Variants in NCOA3 observed in about 807,000 individuals in gnomAD.
The protein encoded by NCOA3 is CBP-interacting protein.
In NCOA3, 51 loss-of-function variants were observed where a neutral mutation model predicts 158.8. The observed-to-expected ratio is 0.32, with a 90% CI of 0.26 to 0.41. The LOEUF (loss-of-function observed/expected upper bound fraction) is 0.41, where lower values mean the gene tolerates loss of function less well. Among genes scored for constraint, NCOA3 ranks in the 10% least tolerant of loss-of-function variants. NCOA3 has a pLI of 1.00. For synonymous variants in NCOA3, 537 were observed against 592.4 expected (o/e 0.91, Z 1.36); for missense variants, 1,510 against 1,746.6 (o/e 0.86, Z 2.41).
At chr20:47,568,359 T>C (rs1024432790) in intron 1 of NCOA3, among the ~76,000 whole-genome samples, 6 of 152,226 alleles carry the variant, frequency 3.9e-5, no homozygotes, top group African/African-American at 1.2e-4. Context: ...CAGGCATACC[T>C]CAGACCATTG....
intron 2 of NCOA3, among the ~76,000 whole-genome samples, chr20:47,595,016 C>T (rs1269159644): frequency 1.3e-5 from 2 of 148,992 alleles, no homozygotes; most frequent in East Asian, 2.0e-4. Flanking sequence ...GGTCTCGATC[C>T]CCTGACCTCA....
At chr20:47,647,752 A>G (rs2086711912) in intron 18 of NCOA3, among the ~76,000 whole-genome samples, 1 of 152,134 alleles carries the variant, frequency 6.6e-6, no homozygotes, top group South Asian at 2.1e-4. Context: ...TTATAAAACT[A>G]GAGTTGTCTT....
intron 16 of NCOA3, among the ~76,000 whole-genome samples, chr20:47,642,012 A>G (rs1602532663): frequency 1.3e-5 from 2 of 152,140 alleles, no homozygotes; most frequent in South Asian, 2.1e-4. Context: ...ATGGTGGTCT[A>G]AAGTGGCCTG....
chr20:47,502,101 C>T (rs906955976), intron 1 of NCOA3, 82 bp downstream of exon 1: 2 of 398,634 alleles, frequency 5.0e-6, no homozygotes, highest in African/African-American at 2.1e-5. Context: ...GTTCCCCAGG[C>T]TGCGAGAGCC....
rs536878376 is a variant in NCOA3 at position 47,585,938 on chromosome 20, T to G, written c.-20+2677T>G. 7.9e-5 allele frequency among the ~76,000 whole-genome samples: 12 copies of G among 151,978 alleles called. No homozygotes were observed. The East Asian group carries it at 2.3e-3, about 29-fold the overall frequency. On this transcript the variant is annotated intron_variant, in intron 2 of 22. Transcript: ENST00000371998. ...ACTATCTCCACAGGTTTTTTTTTTT[T>G]TTTTTTGAGACAGAGTTTGTTACCC...
chr20:47,573,207 T>G (rs1340179290), intron 1 of NCOA3, among the ~76,000 whole-genome samples: 2 of 152,164 alleles, frequency 1.3e-5, no homozygotes, highest in Non-Finnish European at 2.9e-5. Flanking sequence ...AAGACCAGCC[T>G]GACCAACATG....
chr20:47,525,831 G>A (rs1278031092), intron 1 of NCOA3, among the ~76,000 whole-genome samples: 2 of 93,444 alleles, frequency 2.1e-5, no homozygotes, highest in African/African-American at 8.6e-5. Context: ...TTCCCAGTAG[G>A]GGCGGCCGGG....
intron 2 of NCOA3, among the ~76,000 whole-genome samples, chr20:47,618,582 G>A (rs545341133): frequency 4.6e-5 from 7 of 152,218 alleles, no homozygotes; most frequent in African/African-American, 1.7e-4. Flanking sequence ...TCGAACTCCC[G>A]ACCTCAGGTG....
intron 1 of NCOA3, among the ~76,000 whole-genome samples, chr20:47,533,758 C>T (rs2084588450): frequency 6.6e-6 from 1 of 152,054 alleles, no homozygotes; most frequent in African/African-American, 2.4e-5. Flanking sequence ...GATCCTATCT[C>T]TACAAAAAAT....
rs539195698 is a variant in NCOA3, at chr20:47,648,475, AATTT to A, written c.3547-518_3547-515del. ...ATTGTGTGTGTGTATATATATATAA[AATTT>A]ATTTATTTATTATTATTTTTTCTGA... On this transcript the variant is annotated intron_variant, in intron 18 of 22. Transcript: ENST00000371998. Among the ~76,000 whole-genome samples the A allele has an allele frequency of 4.0e-3, 612 of 151,764 alleles. 5 individuals are homozygous for A. Among genetic ancestry groups the A allele is most frequent in the African/African-American group, 0.014 (581 of 41,398 alleles).
chr20:47,566,958 AAAG>A (rs1314381844), intron 1 of NCOA3, among the ~76,000 whole-genome samples: 2 of 152,162 alleles, frequency 1.3e-5, no homozygotes, highest in South Asian at 2.1e-4. Context: ...CAAAAAAGAA[AAAG>A]AAGAAATTTA....
At chr20:47,511,757 T>C (rs969009663) in intron 1 of NCOA3, among the ~76,000 whole-genome samples, 2 of 151,462 alleles carry the variant, frequency 1.3e-5, no homozygotes, top group African/African-American at 4.9e-5. Context: ...TTTCACCTTG[T>C]TGGCCAGGCT....
chr20:47,530,283 C>G (rs12625998), intron 1 of NCOA3, among the ~76,000 whole-genome samples: 31,232 of 151,940 alleles, frequency 0.21, 3,699 homozygotes, highest in Middle Eastern at 0.3. Context: ...ATATAATCAT[C>G]CTTTTAGTTA....
chr20:47,511,057 A>G (rs367868827), intron 1 of NCOA3, among the ~76,000 whole-genome samples: 1 of 151,992 alleles, frequency 6.6e-6, no homozygotes, highest in South Asian at 2.1e-4. Context: ...GAGAGTTAAC[A>G]AAGTTTGTGA....
At chr20:47,552,678 C>T (rs1232937365) in intron 1 of NCOA3, among the ~76,000 whole-genome samples, 1 of 152,080 alleles carries the variant, frequency 6.6e-6, no homozygotes, top group East Asian at 1.9e-4. Context: ...GAACATTATA[C>T]AAGAAAAGCT....
chr20:47,628,310 T>C (rs2086356211), intron 8 of NCOA3: 1 of 286,470 alleles, frequency 3.5e-6, no homozygotes, highest in Non-Finnish European at 6.4e-6. Context: ...GCATTTTGCG[T>C]CAGAATTTAG....
intron 1 of NCOA3, among the ~76,000 whole-genome samples, chr20:47,574,170 C>T (rs1168848985): frequency 6.6e-6 from 1 of 152,050 alleles, no homozygotes; most frequent in Non-Finnish European, 1.5e-5. Flanking sequence ...CGTCATACAA[C>T]CGCTAAAAAT....
intron 6 of NCOA3, 70 bp downstream of exon 6, chr20:47,627,246 T>C (rs1178332466): frequency 3.1e-6 from 4 of 1,295,618 alleles, no homozygotes; most frequent in Non-Finnish European, 4.2e-6. Context: ...GAAAATTGAA[T>C]GTATCTTTTA....
intron 1 of NCOA3, among the ~76,000 whole-genome samples, chr20:47,509,592 A>G (rs2084082575): frequency 6.6e-6 from 1 of 152,000 alleles, no homozygotes. Context: ...TATCAGCTTG[A>G]GTTTGTTTCC....
Sources: gnomAD v4.1 joint callset for allele counts (sites outside exome capture counted in the v4.1 genomes callset) on GRCh38, gnomAD v4.1.1 for gene constraint, MANE v1.5 for transcripts, NCBI Gene and HGNC (gene_info 2026-07-23, HGNC 2026-07-21) for gene names.